Variants in ADA2 observed in about 807,000 individuals in gnomAD.
ADA2 encodes the protein adenosine deaminase 2.
In ADA2, 29 loss-of-function variants were observed where a neutral mutation model predicts 44.2. That is an observed-to-expected ratio of 0.66 (90% CI 0.49 to 0.89). ADA2 has a LOEUF of 0.89. Among genes scored for constraint, ADA2 ranks in the 40% least tolerant of loss-of-function variants. The probability of loss-of-function intolerance (pLI) is 0.00; values close to 1 mark genes in which losing one functional copy is unlikely to be tolerated. For synonymous variants in ADA2, 215 were observed against 234.9 expected (o/e 0.92, Z 0.77); for missense variants, 637 against 644.8 (o/e 0.99, Z 0.13).
chr22:17,195,905 G>A (rs899203926), intron 4 of ADA2, among the ~76,000 whole-genome samples: 5 of 151,598 alleles, frequency 3.3e-5, no homozygotes, highest in Non-Finnish European at 5.9e-5. Context: ...ATGCCACCAC[G>A]CCTGGCTATT....
intron 7 of ADA2, among the ~76,000 whole-genome samples, chr22:17,186,760 T>C (rs12106574): frequency 1.7e-3 from 250 of 151,514 alleles, no homozygotes; most frequent in African/African-American, 6.0e-3. Context: ...TCCCAGCTTC[T>C]CCAGAGGCTG....
At chr22:17,211,143 C>T (rs1298663174) in intron 1 of ADA2, among the ~76,000 whole-genome samples, 1 of 151,874 alleles carries the variant, frequency 6.6e-6, no homozygotes, top group African/African-American at 2.4e-5. Context: ...GGGTGGATCA[C>T]GAGGTCAGGA....
intron 4 of ADA2, chr22:17,199,587 C>A: frequency 1.2e-6 from 2 of 1,614,040 alleles, no homozygotes; most frequent in Non-Finnish European, 1.7e-6. Flanking sequence ...ATCTCCCCTC[C>A]GGAAAAAGGA....
At chr22:17,193,520 C>A (rs922584459) in intron 4 of ADA2, among the ~76,000 whole-genome samples, 1 of 151,310 alleles carries the variant, frequency 6.6e-6, no homozygotes. Flanking sequence ...CAAAAATTAG[C>A]CGGGTGTGGT....
intron 4 of ADA2, among the ~76,000 whole-genome samples, chr22:17,199,004 G>T (rs1164948042): frequency 6.6e-6 from 1 of 152,160 alleles, no homozygotes; most frequent in East Asian, 1.9e-4. Context: ...GTTTTTAGTT[G>T]TTAATGTGTT....
At chr22:17,201,978 T>C (rs2062293900) in intron 4 of ADA2, among the ~76,000 whole-genome samples, 2 of 142,392 alleles carry the variant, frequency 1.4e-5, no homozygotes, top group African/African-American at 5.3e-5. Context: ...TTTTTTTTTT[T>C]TTTTTTTTTT....
At chr22:17,218,159 T>C (rs1394980940) in intron 1 of ADA2, among the ~76,000 whole-genome samples, 1 of 152,216 alleles carries the variant, frequency 6.6e-6, no homozygotes, top group East Asian at 1.9e-4. Flanking sequence ...ATCAAACCCA[T>C]GATATCGTAA....
intron 6 of ADA2, 191 bp downstream of exon 6, chr22:17,189,751 G>C: frequency 1.8e-6 from 1 of 556,388 alleles, no homozygotes; most frequent in Non-Finnish European, 3.2e-6. Context: ...GCCGTCCCCT[G>C]TAGGCCTCTG....
intron 2 of ADA2, 136 bp downstream of exon 2, chr22:17,209,220 G>C: frequency 1.3e-6 from 1 of 747,790 alleles, no homozygotes; most frequent in East Asian, 2.6e-5. Context: ...CTACCCATAA[G>C]GACAGAGGAG....
At chr22:17,206,370 T>C (rs1051127168) in intron 3 of ADA2, among the ~76,000 whole-genome samples, 20 of 151,828 alleles carry the variant, frequency 1.3e-4, no homozygotes, top group Admixed American at 7.2e-4. Flanking sequence ...GGCAGGAAAA[T>C]CACTTGAACC....
chr22:17,201,193 A>G (rs2062282161), intron 4 of ADA2, among the ~76,000 whole-genome samples: 1 of 150,736 alleles, frequency 6.6e-6, no homozygotes, highest in Non-Finnish European at 1.5e-5. Context: ...TGGGCGACAG[A>G]AATTCTGTCA....
At chr22:17,203,239 T>C (rs1170593758) in intron 4 of ADA2, among the ~76,000 whole-genome samples, 1 of 152,154 alleles carries the variant, frequency 6.6e-6, no homozygotes, top group East Asian at 1.9e-4. Flanking sequence ...TCAAACCCCT[T>C]GTTTTGGCCC....
chr22:17,193,321 G>A (rs1201351087), intron 4 of ADA2: 2 of 345,164 alleles, frequency 5.8e-6, no homozygotes, highest in East Asian at 6.0e-5. Flanking sequence ...GACAGCTCAT[G>A]TCCCCTTTTT....
intron 4 of ADA2, among the ~76,000 whole-genome samples, chr22:17,194,856 CA>C (rs774205197): frequency 6.6e-6 from 1 of 152,072 alleles, no homozygotes; most frequent in East Asian, 1.9e-4. Flanking sequence ...TAGCTGAAGG[CA>C]ATTAAGAAGC....
chr22:17,198,692 G>A (rs1470263249), intron 4 of ADA2: 1 of 152,174 alleles, frequency 6.6e-6, no homozygotes. Context: ...CCCTCCATAA[G>A]TGCCAGCAGG....
At position 17,181,473 on chromosome 22, in the gene ADA2, T is replaced by C. The variant is rs775800848; in HGVS notation, c.*10A>G. On this transcript the variant is annotated 3_prime_UTR_variant, in exon 10 of 10. Coordinates refer to ENST00000399837, the MANE Select transcript of ADA2 (RefSeq NM_001282225.2). ...AGAAGACAGCTTGTAGAGGGCTGGC[T>C]AGCTTCTCCTCACTTTGTAGCCACA... 16 of 1,577,886 alleles carry C rather than the reference T, an allele frequency of 1.0e-5. No individual in the cohort carries two copies. Among genetic ancestry groups the C allele is most frequent in the Non-Finnish European group, 1.4e-5 (16 of 1,147,028 alleles).
At chr22:17,182,814 T>C in intron 7 of ADA2, 53 bp from the exon 8 acceptor site, 2 of 1,556,280 alleles carry the variant, frequency 1.3e-6, no homozygotes, top group South Asian at 1.1e-5. Context: ...TGGTCTTCCA[T>C]GGGGGATGGA....
chr22:17,182,940 C>A (rs1472552900), intron 7 of ADA2, among the ~76,000 whole-genome samples, 179 bp from the exon 8 acceptor site: 1 of 151,360 alleles, frequency 6.6e-6, no homozygotes, highest in Non-Finnish European at 1.5e-5. Context: ...TTTAACAATG[C>A]TAAAGAGAGG....
At chr22:17,192,569 T>C (rs2062132142) in intron 4 of ADA2, among the ~76,000 whole-genome samples, 1 of 152,148 alleles carries the variant, frequency 6.6e-6, no homozygotes, top group South Asian at 2.1e-4. Flanking sequence ...GGCTCACACC[T>C]GTAATCATAG....
Sources: allele counts gnomAD v4.1 joint callset (sites outside exome capture counted in the v4.1 genomes callset), GRCh38; gene constraint gnomAD v4.1.1; transcripts MANE v1.5; gene names NCBI Gene and HGNC (gene_info 2026-07-23, HGNC 2026-07-21).